The following PHF2 variants were observed in gnomAD, a reference collection of about 807,000 sequenced individuals.
The protein encoded by PHF2 is PHD finger protein 2.
In PHF2, 27 loss-of-function variants were observed where a neutral mutation model predicts 120.5. The ratio of observed to expected loss-of-function variants is 0.22; its 90% CI spans 0.17 to 0.31. The LOEUF is 0.31. PHF2 is among the 10% of genes least tolerant of loss of function. The pLI is 1.00. For synonymous variants in PHF2, 568 were observed against 592.5 expected (o/e 0.96, Z 0.60); for missense variants, 1,024 against 1,434.8 (o/e 0.71, Z 4.63).
chr9:93,662,149 GGATA>G (rs1826580768), intron 12 of PHF2, among the ~76,000 whole-genome samples: 4 of 148,054 alleles, frequency 2.7e-5, no homozygotes, highest in Admixed American at 1.3e-4. Context: ...ATGGATGGAT[GGATA>G]GACAGAGGAA....
intron 2 of PHF2, among the ~76,000 whole-genome samples, chr9:93,631,041 T>C (rs944884347): frequency 5.3e-5 from 8 of 152,104 alleles, no homozygotes. Context: ...AGTTGCAAGC[T>C]GAAGCACCAG....
intron 1 of PHF2, among the ~76,000 whole-genome samples, chr9:93,612,154 T>C (rs775436434): frequency 1.1e-4 from 16 of 152,260 alleles, no homozygotes; most frequent in Non-Finnish European, 1.9e-4. Context: ...TTTGTACTTA[T>C]TGGCACTTCA....
chr9:93,649,254 G>GC, intron 5 of PHF2, 42 bp downstream of exon 5: 1 of 1,485,020 alleles, frequency 6.7e-7, no homozygotes, highest in Non-Finnish European at 9.1e-7. Flanking sequence ...TGGGGTTGGG[G>GC]CAGGGGCGCT....
At chr9:93,644,397 A>G (rs997778844) in intron 3 of PHF2, among the ~76,000 whole-genome samples, 2 of 151,656 alleles carry the variant, frequency 1.3e-5, no homozygotes, top group Non-Finnish European at 2.9e-5. Flanking sequence ...CAAAAAAAAA[A>G]AAAAAAAATT....
At chr9:93,598,983 T>C (rs1180265569) in intron 1 of PHF2, among the ~76,000 whole-genome samples, 1 of 152,130 alleles carries the variant, frequency 6.6e-6, no homozygotes, top group Non-Finnish European at 1.5e-5. Flanking sequence ...GAAGCAGCAT[T>C]GTTTTGTACT....
rs116916268 is a variant in PHF2, at chr9:93,632,561, C to T, written c.184+2506C>T. Among the ~76,000 whole-genome samples the T allele has an allele frequency of 6.0e-4, 92 of 152,290 alleles. 1 individual carries two copies. In the East Asian group the frequency reaches 0.013, roughly 21 times the overall value. Reference sequence around the variant, plus strand: ...CTGCTTCTGGTTCATAGACAGTGCCCTCTTGCCATGTCCTCATATGGTGGA... The same window carrying T: ...CTGCTTCTGGTTCATAGACAGTGCCTTCTTGCCATGTCCTCATATGGTGGA... On this transcript the variant is annotated intron_variant, in intron 2 of 21. Coordinates refer to ENST00000359246, the MANE Select transcript of PHF2 (RefSeq NM_005392.4).
rs767375895 is a variant in PHF2, at chr9:93,673,766, C to T, written c.2530C>T (p.Arg844Ter). ...TGGCAGTGGCAAGAGTGCAGGCAAACGACTGCTGAAGAGGGCTGCCAAGAA... is the reference window on the plus strand; with the variant it reads ...TGGCAGTGGCAAGAGTGCAGGCAAATGACTGCTGAAGAGGGCTGCCAAGAA... ...GGGSGKSAGK[R>*]LLKRAAKNSV... The change falls in exon 18 of 22, where the codon CGA becomes TGA. Residue 844 changes from arginine (R) to a stop codon, truncating the protein, a stop_gained. Transcript: ENST00000359246. LOFTEE classifies it high-confidence loss of function. The T allele has an allele frequency of 1.2e-6, 2 of 1,613,414 alleles. No individual in the cohort carries two copies. Among genetic ancestry groups the T allele is most frequent in the African/African-American group, 1.3e-5 (1 of 75,018 alleles).
At position 93,576,661 on chromosome 9, in the gene PHF2, C is replaced by T; in HGVS notation, c.-113C>T. The stretch of plus-strand genomic sequence containing the variant: ...CGTCCCCGTCCCCTCCCGGCCGCGG[C>T]GCCGCCTGCGCCCCGCCGCCCCCGC... On this transcript the variant is annotated 5_prime_UTR_variant, in exon 1 of 22. Transcript: ENST00000359246. The T allele has an allele frequency of 1.2e-5, 2 of 168,464 alleles. No individual in the cohort carries two copies. The highest frequency in any genetic ancestry group is 2.3e-5 in the Non-Finnish European group (2 of 87,462). The allele number at this position is 168,464 out of a possible 1,614,324, so 10.4% of individuals were successfully genotyped here. A position where few individuals can be genotyped will look rare whatever the true frequency, so the allele number is the denominator to read the frequency against.
intron 2 of PHF2, 41 bp from the exon 3 acceptor site, chr9:93,636,370 C>A: frequency 1.3e-6 from 2 of 1,494,314 alleles, no homozygotes; most frequent in African/African-American, 1.4e-5. Context: ...CCTGCTGGGG[C>A]TGCGCTGTGT....
At chr9:93,585,216 A>T (rs770056408) in intron 1 of PHF2, among the ~76,000 whole-genome samples, 2 of 152,184 alleles carry the variant, frequency 1.3e-5, no homozygotes, top group African/African-American at 4.8e-5. Flanking sequence ...TTTTTTAACC[A>T]TAAGTATTTT....
chr9:93,646,280 C>T (rs1249477382), intron 4 of PHF2, among the ~76,000 whole-genome samples: 1 of 152,248 alleles, frequency 6.6e-6, no homozygotes, highest in South Asian at 2.1e-4. Flanking sequence ...TGTCCCCTTG[C>T]AGCTCCAGAG....
chr9:93,646,232 T>C (rs1473305243), intron 4 of PHF2, among the ~76,000 whole-genome samples: 1 of 152,200 alleles, frequency 6.6e-6, no homozygotes, highest in Non-Finnish European at 1.5e-5. Context: ...CCGTCTGGGT[T>C]CTAGCCAGTG....
At chr9:93,589,202 A>C (rs953382038) in intron 1 of PHF2, among the ~76,000 whole-genome samples, 5 of 152,208 alleles carry the variant, frequency 3.3e-5, no homozygotes, top group Admixed American at 6.5e-5. Context: ...GTGCTCACTG[A>C]AAGTTTGGAG....
chr9:93,608,165 T>C (rs1368039759), intron 1 of PHF2, among the ~76,000 whole-genome samples: 7 of 152,104 alleles, frequency 4.6e-5, no homozygotes. Context: ...CCTTGCCTTT[T>C]TCCTGATCTC....
chr9:93,593,143 C>T (rs1254151384), intron 1 of PHF2, among the ~76,000 whole-genome samples: 1 of 140,626 alleles, frequency 7.1e-6, no homozygotes, highest in East Asian at 2.1e-4. Context: ...AGATGCTAAA[C>T]TGTTCCAGCA....
At chr9:93,583,829 T>C (rs1564370948) in intron 1 of PHF2, among the ~76,000 whole-genome samples, 1 of 60,472 alleles carries the variant, frequency 1.7e-5, no homozygotes, top group Non-Finnish European at 5.0e-5. Context: ...TTCTTTTCTT[T>C]TTTTTTTTTT....
At chr9:93,639,018 A>G (rs1826136258) in intron 3 of PHF2, among the ~76,000 whole-genome samples, 1 of 152,098 alleles carries the variant, frequency 6.6e-6, no homozygotes, top group Non-Finnish European at 1.5e-5. Context: ...ATGCCTGGCC[A>G]AGTTTGTTTT....
intron 2 of PHF2, among the ~76,000 whole-genome samples, chr9:93,635,093 C>T (rs764920174): frequency 6.6e-6 from 1 of 152,246 alleles, no homozygotes; most frequent in Non-Finnish European, 1.5e-5. Flanking sequence ...CGATGCTTCC[C>T]TCAGAAGTCC....
Position 93,677,775 on chromosome 9 carries a change from G to A in PHF2, c.*99G>A, listed in dbSNP as rs1405616028. On this transcript the variant is annotated 3_prime_UTR_variant, in exon 22 of 22. Coordinates refer to ENST00000359246, the MANE Select transcript of PHF2 (RefSeq NM_005392.4). This position sits in a 1 kb window ranked among gnomAD's most constrained non-coding sequence, Gnocchi z 4.4. ...GGGTGCCGAGCTGCCTCACCAGGGA[G>A]GGCCTTGCCTCTTCCCGGCTGCCAT... The A allele has an allele frequency of 2.4e-6, 2 of 826,548 alleles. No individual in the cohort carries two copies. The highest frequency in any genetic ancestry group is 2.0e-6 in the Non-Finnish European group (1 of 502,398). The allele number at this position is 826,548 out of a possible 1,614,324, so 51.2% of individuals were successfully genotyped here.
Sources: gnomAD v4.1 joint callset for allele counts (sites outside exome capture counted in the v4.1 genomes callset) on GRCh38, gnomAD v4.1.1 for gene constraint, Gnocchi (gnomAD v3.1) non-coding constraint, MANE v1.5 for transcripts, NCBI Gene and HGNC (gene_info 2026-07-23, HGNC 2026-07-21) for gene names.